TLE2: variants seen among roughly 807,000 people sequenced by gnomAD.
The protein encoded by TLE2 is transducin-like enhancer protein 2.
Under a neutral mutation model 97.2 loss-of-function variants are expected in TLE2, and 74 were observed. The ratio of observed to expected loss-of-function variants is 0.76; its 90% confidence interval spans 0.63 to 0.92. The LOEUF is 0.92. Among genes scored for constraint, TLE2 ranks in the 40% least tolerant of loss-of-function variants. The pLI is 0.00. For missense variants in TLE2, 1,038 were observed against 1,008.7 expected (o/e 1.03, Z -0.39); for synonymous variants, 499 against 432.1 (o/e 1.15, Z -1.92).
upstream of TLE2, among the ~76,000 whole-genome samples, chr19:3,031,811 A>T (rs978554161): frequency 6.6e-6 from 1 of 152,080 alleles, no homozygotes; most frequent in Non-Finnish European, 1.5e-5. Context: ...ACCTCCTCAG[A>T]ACGGCCCCTC....
intron 12 of TLE2, 61 bp downstream of exon 12, chr19:3,010,961 T>C (rs935839428): frequency 6.5e-7 from 1 of 1,545,420 alleles, no homozygotes; most frequent in Non-Finnish European, 8.7e-7. Context: ...CAGCCCCTTT[T>C]CCTAGATCTC....
At chr19:3,001,791 CTTTTTTT>C (rs562875053) in intron 18 of TLE2, among the ~76,000 whole-genome samples, 2 of 111,468 alleles carry the variant, frequency 1.8e-5, no homozygotes, top group African/African-American at 3.6e-5. Context: ...TCTTTTCTTT[CTTTTTTT>C]TTTTTTTTTT....
intron 1 of TLE2, among the ~76,000 whole-genome samples, chr19:3,043,443 C>T (rs893151352): frequency 1.9e-4 from 27 of 144,096 alleles, no homozygotes; most frequent in Non-Finnish European, 3.7e-4. Flanking sequence ...TCCCAAAGTG[C>T]TGGGATTACA....
intron 19 of TLE2, among the ~76,000 whole-genome samples, chr19:3,000,155 T>G (rs929296198): frequency 4.1e-5 from 6 of 147,720 alleles, no homozygotes; most frequent in Non-Finnish European, 6.0e-5. Context: ...CACTGCAAGC[T>G]CCACCTCCTG....
chr19:3,009,797 T>A (rs895583727), intron 12 of TLE2, 95 bp from the exon 13 acceptor site: 50 of 1,460,792 alleles, frequency 3.4e-5, no homozygotes, highest in Non-Finnish European at 4.2e-5. Flanking sequence ...ATTTAGAGTT[T>A]CCATGTGCTG....
rs773215347 is a variant in TLE2, at chr19:3,015,725, C to G, written c.606G>C (p.Glu202Asp). Residue 202 changes from glutamate (E) to aspartate (D), a missense_variant, in exon 9 of 20, where the codon GAG (glutamate) becomes GAC (aspartate). Physicochemically the swap from Glu to Asp is conservative, Grantham distance 45. Transcript: ENST00000262953. ...CACCAGGGCCACTCGGTCGCTCCTC[C>G]TCCACGAGACTCTCAGGGGGCGAGG... The part of the protein sequence containing the change: ...ASPSPPESLV[E>D]EERPSGPGGG... 5.0e-6 allele frequency: 8 copies of G among 1,611,140 alleles called. No individual in the cohort carries two copies. The highest frequency in any genetic ancestry group is 5.9e-6 in the Non-Finnish European group (7 of 1,179,248).
chr19:3,012,097 T>G (rs767000932), intron 11 of TLE2, among the ~76,000 whole-genome samples: 1 of 151,680 alleles, frequency 6.6e-6, no homozygotes, highest in African/African-American at 2.4e-5. Flanking sequence ...ATACAAAAAA[T>G]TAGCCAGGCG....
At chr19:3,026,455 T>TAAA (rs34783402) in intron 4 of TLE2, among the ~76,000 whole-genome samples, 21 of 111,292 alleles carry the variant, frequency 1.9e-4, no homozygotes, top group African/African-American at 6.2e-4. Context: ...TCTCAAAATT[T>TAAA]AAAAAAAAAA....
chr19:3,040,728 A>G (rs2145232263), intron 1 of TLE2, among the ~76,000 whole-genome samples: 1 of 151,944 alleles, frequency 6.6e-6, no homozygotes, highest in East Asian at 1.9e-4. Context: ...GCTCCCTGCA[A>G]GCCTCGAGCA....
intron 11 of TLE2, 71 bp downstream of exon 11, chr19:3,013,598 A>G (rs1425892408): frequency 3.1e-6 from 4 of 1,282,948 alleles, no homozygotes; most frequent in Non-Finnish European, 4.0e-6. Context: ...CCTCTGCATC[A>G]TGGGGTAGCG....
chr19:3,006,194 C>A, intron 15 of TLE2: 1 of 976,746 alleles, frequency 1.0e-6, no homozygotes, highest in East Asian at 2.4e-5. Flanking sequence ...GGTTGGCCTG[C>A]AAACCCTGTC....
chr19:3,002,515 G>C lies in TLE2; in HGVS notation c.1897-12C>G. 2 of 1,554,528 alleles carry C rather than the reference G, an allele frequency of 1.3e-6. No individual in the cohort carries two copies. Among genetic ancestry groups the C allele is most frequent in the Non-Finnish European group, 1.7e-6 (2 of 1,150,608 alleles). The stretch of plus-strand genomic sequence containing the variant: ...CCCAGGGAGAAAATCTGGGGGTAAA[G>C]AGGGAAGAGATGGGGTCACGAGCCC... On this transcript the variant is annotated splice_polypyrimidine_tract_variant and intron_variant, in intron 17 of 19. Transcript: ENST00000262953.
chr19:3,042,036 TCCCCGACAGG>T (rs2090107247), intron 1 of TLE2, among the ~76,000 whole-genome samples: 1 of 150,808 alleles, frequency 6.6e-6, no homozygotes, highest in Non-Finnish European at 1.5e-5. Flanking sequence ...CCCAGCGTGT[TCCCCGACAGG>T]CCCGGGCAGG....
chr19:3,010,566 G>C (rs2089573974), intron 12 of TLE2, among the ~76,000 whole-genome samples: 1 of 152,092 alleles, frequency 6.6e-6, no homozygotes, highest in South Asian at 2.1e-4. Flanking sequence ...CTTGAGGGCA[G>C]ATTCCAAGGC....
At position 3,009,682 on chromosome 19, in the gene TLE2, G is replaced by C. The variant is rs1464845042; in HGVS notation, c.1033C>G (p.Leu345Val). 3 of 1,612,052 alleles carry C rather than the reference G, an allele frequency of 1.9e-6. No individual in the cohort carries two copies. The highest frequency in any genetic ancestry group is 2.5e-6 in the Non-Finnish European group (3 of 1,179,232). ...DSVALRSPLT[L>V]SSPFTTSFSL... Reference sequence around the variant, plus strand: ...AAGGACGTGGTGAAGGGACTGGACAGAGTCAGGGGGCTCCTCAGGGCTGAG... The same window carrying C: ...AAGGACGTGGTGAAGGGACTGGACACAGTCAGGGGGCTCCTCAGGGCTGAG... The change falls in exon 13 of 20, where the codon CTG becomes GTG. Residue 345 changes from leucine to valine, a missense_variant. Transcript: ENST00000262953.
upstream of TLE2, among the ~76,000 whole-genome samples, chr19:3,046,597 G>T (rs990645596): frequency 7.5e-6 from 1 of 132,620 alleles, no homozygotes; most frequent in East Asian, 2.4e-4. Context: ...CCCCACCTCC[G>T]CTAGAGTCCT....
chr19:3,018,495 G>A (rs541707634), intron 7 of TLE2, among the ~76,000 whole-genome samples: 20 of 151,724 alleles, frequency 1.3e-4, no homozygotes, highest in South Asian at 4.2e-4. Flanking sequence ...GTTTCACCAC[G>A]TTGACCAGGC....
At chr19:3,040,906 T>C (rs2090095167) in intron 1 of TLE2, among the ~76,000 whole-genome samples, 1 of 148,208 alleles carries the variant, frequency 6.7e-6, no homozygotes, top group South Asian at 2.2e-4. Context: ...TTAACCCCTG[T>C]GGACCTCCGT....
At chr19:3,002,064 T>G (rs994475926) in intron 18 of TLE2, among the ~76,000 whole-genome samples, 63 of 152,086 alleles carry the variant, frequency 4.1e-4, no homozygotes, top group African/African-American at 1.4e-3. Flanking sequence ...TCCCAAAGTG[T>G]TGGGATGACA....
Sources: allele counts gnomAD v4.1 joint callset (sites outside exome capture counted in the v4.1 genomes callset), GRCh38; gene constraint gnomAD v4.1.1; transcripts MANE v1.5; gene names NCBI Gene and HGNC (gene_info 2026-07-23, HGNC 2026-07-21).